The following CEP128 variants were observed in gnomAD, a reference collection of about 807,000 sequenced individuals.
The protein encoded by CEP128 is centrosomal protein 128kDa.
CEP128 carries 132 observed loss-of-function variants against 156.7 expected under a neutral mutation model. The observed-to-expected ratio is 0.84, with a 90% CI of 0.73 to 0.97. CEP128 has a LOEUF of 0.97. Ranked by LOEUF, CEP128 falls within the 50% of genes least tolerant of loss-of-function variation. The pLI, the probability that CEP128 is intolerant of heterozygous loss-of-function variation, is 0.00. For synonymous variants in CEP128, 469 were observed against 448.9 expected, an observed-to-expected ratio of 1.04 and a Z score of -0.57; for missense variants, 1,252 against 1,281.9, an observed-to-expected ratio of 0.98 and a Z score of 0.36.
At chr14:80,693,973 G>T (rs1399088277) in intron 19 of CEP128, among the ~76,000 whole-genome samples, 1 of 152,134 alleles carries the variant, frequency 6.6e-6, no homozygotes, top group Non-Finnish European at 1.5e-5. Context: ...GATGAGTGGG[G>T]ATAGAGAAGA....
At chr14:80,495,452 T>C (rs935729), downstream of CEP128, among the ~76,000 whole-genome samples, 3,090 of 152,226 alleles carry the variant, frequency 0.02, 96 homozygotes, top group African/African-American at 0.07. Context: ...GAAGTTCTAG[T>C]GTGTTCCATA....
intron 19 of CEP128, among the ~76,000 whole-genome samples, chr14:80,617,762 T>C (rs576290796): frequency 6.6e-6 from 1 of 152,142 alleles, no homozygotes; most frequent in South Asian, 2.1e-4. Context: ...GGCAACATGG[T>C]GAGACCCGCC....
intron 19 of CEP128, among the ~76,000 whole-genome samples, chr14:80,633,500 GTC>G (rs34471871): frequency 1.3e-5 from 2 of 151,698 alleles, no homozygotes; most frequent in South Asian, 2.1e-4. Flanking sequence ...TGCCACCTCT[GTC>G]TCTCTCTATT....
At chr14:80,674,966 G>A (rs1896001155) in intron 19 of CEP128, among the ~76,000 whole-genome samples, 1 of 151,896 alleles carries the variant, frequency 6.6e-6, no homozygotes, top group African/African-American at 2.4e-5. Flanking sequence ...CTTGCATCTT[G>A]TTTAAAGTAA....
intron 18 of CEP128, among the ~76,000 whole-genome samples, chr14:80,755,597 A>T (rs1324295422): frequency 1.3e-5 from 2 of 152,202 alleles, no homozygotes; most frequent in Non-Finnish European, 2.9e-5. Flanking sequence ...ACAATTACTG[A>T]ATGCCCTCAG....
chr14:80,628,583 C>A (rs1022146050), intron 19 of CEP128, among the ~76,000 whole-genome samples: 8 of 152,200 alleles, frequency 5.3e-5, no homozygotes. Flanking sequence ...AGCGTCCGCA[C>A]AACTACCTTT....
chr14:80,707,762 A>G lies in CEP128; in HGVS notation c.2806+35313T>C, dbSNP rs531481569. Reference sequence around the variant, plus strand: ...AATCATTTGATTTATTCCTCAAGACAAACATAATTGTCTAAAATACCACCA... The same window carrying G: ...AATCATTTGATTTATTCCTCAAGACGAACATAATTGTCTAAAATACCACCA... On this transcript the variant is annotated intron_variant, in intron 19 of 24. Coordinates refer to ENST00000555265, the MANE Select transcript of CEP128 (RefSeq NM_152446.5). 7.2e-4 allele frequency among the ~76,000 whole-genome samples: 110 copies of G among 152,308 alleles called. 1 individual carries two copies. The highest frequency in any genetic ancestry group is 7.2e-3 in the Admixed American group (110 of 15,272).
intron 8 of CEP128, among the ~76,000 whole-genome samples, chr14:80,874,864 C>T (rs1478726900): frequency 1.3e-5 from 2 of 152,198 alleles, no homozygotes; most frequent in Admixed American, 6.5e-5. Context: ...GTGATCCGCC[C>T]GCCTCAGCCT....
intron 16 of CEP128, among the ~76,000 whole-genome samples, chr14:80,769,643 A>C (rs1171974112): frequency 6.6e-6 from 1 of 152,112 alleles, no homozygotes; most frequent in Non-Finnish European, 1.5e-5. Context: ...CATTTTCTTA[A>C]TCCAGTCTAT....
chr14:80,786,416 T>A (rs1409563998), intron 14 of CEP128, among the ~76,000 whole-genome samples: 5 of 152,166 alleles, frequency 3.3e-5, no homozygotes. Flanking sequence ...AATGCAAATA[T>A]TTGCAAGACA....
chr14:80,832,497 T>C (rs1397958556), intron 12 of CEP128, among the ~76,000 whole-genome samples: 1 of 151,990 alleles, frequency 6.6e-6, no homozygotes, highest in Non-Finnish European at 1.5e-5. Flanking sequence ...AAATTGTACA[T>C]ATTAGAATGG....
At chr14:80,722,821 CTTTT>C (rs142796338) in intron 19 of CEP128, among the ~76,000 whole-genome samples, 5 of 103,948 alleles carry the variant, frequency 4.8e-5, no homozygotes, top group East Asian at 2.9e-4. Context: ...TACTCTTTAT[CTTTT>C]TTTTTTTTTT....
chr14:80,489,907 C>CA (rs34425331), downstream of CEP128, among the ~76,000 whole-genome samples: 1,564 of 131,608 alleles, frequency 0.012, 35 homozygotes, highest in African/African-American at 0.043. Flanking sequence ...GTTTTATCAC[C>CA]AAAAAAAAAA....
At chr14:80,836,418 T>C in intron 11 of CEP128, 81 bp from the exon 12 acceptor site, 1 of 1,504,062 alleles carries the variant, frequency 6.6e-7, no homozygotes, top group Non-Finnish European at 9.2e-7. Context: ...TAAACACAAG[T>C]TGAATCCAGG....
intron 19 of CEP128, among the ~76,000 whole-genome samples, chr14:80,626,722 T>C (rs995621411): frequency 2.0e-5 from 3 of 152,084 alleles, no homozygotes; most frequent in African/African-American, 7.2e-5. Flanking sequence ...ATTCCTGACT[T>C]CAAGAAAATA....
chr14:80,683,267 G>A (rs1896393838), intron 19 of CEP128, among the ~76,000 whole-genome samples: 1 of 152,138 alleles, frequency 6.6e-6, no homozygotes, highest in African/African-American at 2.4e-5. Context: ...TAAAGGACTG[G>A]AGAAATAATA....
chr14:80,601,483 T>G (rs1260300425), intron 19 of CEP128, among the ~76,000 whole-genome samples: 3 of 152,120 alleles, frequency 2.0e-5, no homozygotes, highest in Non-Finnish European at 2.9e-5. Flanking sequence ...TAAGAAAGTT[T>G]ACAAATTTTG....
intron 20 of CEP128, among the ~76,000 whole-genome samples, chr14:80,570,533 T>C (rs549955752): frequency 1.3e-5 from 2 of 152,252 alleles, no homozygotes; most frequent in African/African-American, 2.4e-5. Context: ...AAGTCCATGT[T>C]GTGATTAAAT....
chr14:80,772,902 G>A (rs746942304), intron 16 of CEP128, among the ~76,000 whole-genome samples: 2 of 152,156 alleles, frequency 1.3e-5, no homozygotes, highest in African/African-American at 4.8e-5. Flanking sequence ...AAGGTAATAC[G>A]TAGATTTTTC....
Sources: allele counts gnomAD v4.1 joint callset (sites outside exome capture counted in the v4.1 genomes callset), GRCh38; gene constraint gnomAD v4.1.1; transcripts MANE v1.5; gene names NCBI Gene and HGNC (gene_info 2026-07-23, HGNC 2026-07-21).